The following URI1 variants were observed in gnomAD, a reference collection of about 807,000 sequenced individuals.
The protein encoded by URI1 is unconventional prefoldin RPB5 interactor 1.
A neutral mutation model predicts 60.2 loss-of-function variants in URI1; 39 were observed. The ratio of observed to expected loss-of-function variants is 0.65; its 90% CI spans 0.50 to 0.85. URI1 has a LOEUF of 0.85. URI1 is among the 40% of genes least tolerant of loss of function. The pLI is 0.00. For synonymous variants in URI1, 251 were observed against 236.8 expected (o/e 1.06, Z -0.55); for missense variants, 691 against 665.9 (o/e 1.04, Z -0.42).
rs1224328614 is a variant in URI1 at position 30,015,631 on chromosome 19, A to G, written c.*562A>G. 4 of 1,463,272 alleles carry G rather than the reference A, an allele frequency of 2.7e-6. No individual in the cohort carries two copies. Among genetic ancestry groups the G allele is most frequent in the Non-Finnish European group, 3.6e-6 (4 of 1,103,400 alleles). The allele number at this position is 1,463,272 out of a possible 1,614,324, so 90.6% of individuals were successfully genotyped here. A position where few individuals can be genotyped will look rare whatever the true frequency, so the allele number is the denominator to read the frequency against. ...AAGCTACATGAATTAATTGTACTCT[A>G]TGGGAAAATTTCTTTGGAAAGATAT... On this transcript the variant is annotated 3_prime_UTR_variant, in exon 11 of 11. Coordinates refer to ENST00000392271, the MANE Select transcript of URI1 (RefSeq NM_003796.3).
At chr19:30,012,733 C>A in intron 10 of URI1, 1 of 574,838 alleles carries the variant, frequency 1.7e-6, no homozygotes. Flanking sequence ...CATTACTTGT[C>A]TTAACGTTCT....
At chr19:29,989,276 A>C (rs982488135) in intron 4 of URI1, among the ~76,000 whole-genome samples, 2 of 151,630 alleles carry the variant, frequency 1.3e-5, no homozygotes, top group African/African-American at 2.4e-5. Flanking sequence ...ATGCCCGGCT[A>C]ATTTTTTTGT....
chr19:29,966,932 G>C (rs1301502257), intron 1 of URI1, among the ~76,000 whole-genome samples: 1 of 152,138 alleles, frequency 6.6e-6, no homozygotes, highest in African/African-American at 2.4e-5. Flanking sequence ...AAGCATTTTT[G>C]AGAAAAGTAT....
At chr19:29,971,614 G>A (rs1017375478) in intron 2 of URI1, among the ~76,000 whole-genome samples, 1 of 150,732 alleles carries the variant, frequency 6.6e-6, no homozygotes, top group Admixed American at 6.6e-5. Context: ...TGGAAATAGG[G>A]CACAGAAATG....
At chr19:30,002,253 A>G (rs1449245035) in intron 4 of URI1, among the ~76,000 whole-genome samples, 1 of 152,082 alleles carries the variant, frequency 6.6e-6, no homozygotes, top group African/African-American at 2.4e-5. Flanking sequence ...ATACAATTCT[A>G]CAAACTGTTA....
At chr19:29,924,543 C>G (rs2054849331) in intron 1 of URI1, among the ~76,000 whole-genome samples, 1 of 152,196 alleles carries the variant, frequency 6.6e-6, no homozygotes, top group Non-Finnish European at 1.5e-5. Context: ...TCCCTCCCTC[C>G]CACTGTGAGA....
chr19:29,935,121 A>G (rs2054957807), intron 1 of URI1, among the ~76,000 whole-genome samples: 1 of 152,028 alleles, frequency 6.6e-6, no homozygotes, highest in African/African-American at 2.4e-5. Flanking sequence ...TTTTTTTGGT[A>G]TTTAATAGAT....
At chr19:29,940,591 G>C (rs1344623916), upstream of URI1, among the ~76,000 whole-genome samples, 2 of 152,132 alleles carry the variant, frequency 1.3e-5, no homozygotes, top group Non-Finnish European at 2.9e-5. Context: ...AGAGGGTGCA[G>C]TGAGCCAAGA....
upstream of URI1, among the ~76,000 whole-genome samples, chr19:29,940,369 A>G (rs2055011326): frequency 6.6e-6 from 1 of 151,876 alleles, no homozygotes; most frequent in African/African-American, 2.4e-5. Flanking sequence ...CCTTCTCAGG[A>G]GAGGCGTGGT....
intron 2 of URI1, among the ~76,000 whole-genome samples, chr19:29,980,612 TAAAAAAAAAAAAAA>T (rs71333427): frequency 8.1e-5 from 6 of 73,852 alleles, no homozygotes; most frequent in African/African-American, 2.9e-4. Context: ...TTTTTTTTCT[TAAAAAAAAAAAAAA>T]AAAAAAAAAA....
intron 1 of URI1, among the ~76,000 whole-genome samples, chr19:29,949,072 C>T (rs1231208216): frequency 2.7e-5 from 4 of 149,660 alleles, no homozygotes; most frequent in East Asian, 2.0e-4. Context: ...GCCTCCCGGA[C>T]GGGGCTTCTG....
chr19:30,003,151 A>G (rs1409338166), intron 4 of URI1, among the ~76,000 whole-genome samples: 4 of 152,158 alleles, frequency 2.6e-5, no homozygotes, highest in Non-Finnish European at 5.9e-5. Flanking sequence ...CAACCTGTAG[A>G]TACGAATTTA....
intron 3 of URI1, 108 bp downstream of exon 3, chr19:29,985,409 T>A: frequency 2.5e-6 from 2 of 811,274 alleles, no homozygotes; most frequent in Non-Finnish European, 3.8e-6. Flanking sequence ...AAGGTAACTA[T>A]GTAGCAAGGA....
intron 4 of URI1, among the ~76,000 whole-genome samples, chr19:29,991,697 A>G (rs919278917): frequency 1.3e-5 from 2 of 152,156 alleles, no homozygotes; most frequent in African/African-American, 4.8e-5. Flanking sequence ...CTTCTGGGGA[A>G]AAATTTGGCA....
At chr19:29,927,342 C>T (rs985858162) in intron 1 of URI1, among the ~76,000 whole-genome samples, 1 of 150,064 alleles carries the variant, frequency 6.7e-6, no homozygotes, top group African/African-American at 2.5e-5. Context: ...CGGCTCACTG[C>T]AACCTCTGCC....
chr19:29,979,435 T>C (rs1002587681), intron 2 of URI1, among the ~76,000 whole-genome samples: 6 of 152,160 alleles, frequency 3.9e-5, no homozygotes, highest in Non-Finnish European at 7.4e-5. Flanking sequence ...TAGTAATGAG[T>C]GAAGAAACAG....
rs1310446292 is a variant in URI1, at chr19:30,009,201, T to A, written c.883T>A (p.Ser295Thr). Reference protein sequence around the residue: ...QLNCSVNGSSSYHSDDDDDDD... With the variant: ...QLNCSVNGSSTYHSDDDDDDD... ...GAACTGTTCAGTGAATGGTTCCAGT[T>A]CTTACCACAGTGATGATGATGATGA... Residue 295 changes from serine (S) to threonine (T), a missense_variant, in exon 8 of 11, where the codon TCT (serine) becomes ACT (threonine). Transcript: ENST00000392271. 1 of 1,606,876 alleles carries A rather than the reference T, an allele frequency of 6.2e-7. No individual in the cohort carries two copies.
chr19:29,940,637 A>T (rs2055013894), upstream of URI1, among the ~76,000 whole-genome samples: 1 of 151,300 alleles, frequency 6.6e-6, no homozygotes, highest in Non-Finnish European at 1.5e-5. Context: ...CAACAGAGGA[A>T]AAAAAAAAGA....
chr19:29,944,143 A>T (rs1299044217), intron 1 of URI1, among the ~76,000 whole-genome samples: 3 of 17,356 alleles, frequency 1.7e-4, no homozygotes, highest in Non-Finnish European at 2.9e-4. Flanking sequence ...TGTCATTCAT[A>T]TATATATATA....
Sources: allele counts gnomAD v4.1 joint callset (sites outside exome capture counted in the v4.1 genomes callset), GRCh38; gene constraint gnomAD v4.1.1; transcripts MANE v1.5; gene names NCBI Gene and HGNC (gene_info 2026-07-23, HGNC 2026-07-21).